The following SERGEF variants were observed in gnomAD, a reference collection of about 807,000 sequenced individuals.
The protein encoded by SERGEF is secretion-regulating guanine nucleotide exchange factor.
In SERGEF, 51 loss-of-function variants were observed where a neutral mutation model predicts 50.0. The ratio of observed to expected loss-of-function variants is 1.02; its 90% confidence interval spans 0.81 to 1.29. The LOEUF (loss-of-function observed/expected upper bound fraction) is 1.29. SERGEF is among the 50% of genes most tolerant of loss of function. SERGEF has a pLI of 0.00. For synonymous variants in SERGEF, 205 were observed against 212.4 expected, an observed-to-expected ratio of 0.97 and a Z score of 0.30; for missense variants, 521 against 557.0, an observed-to-expected ratio of 0.94 and a Z score of 0.65.
intron 1 of SERGEF, 131 bp downstream of exon 1, chr11:18,012,820 A>C: frequency 5.3e-4 from 498 of 934,294 alleles, no homozygotes; most frequent in East Asian, 3.2e-3. Context: ...CTCCCAGCCC[A>C]GGATCCTTCA....
intron 10 of SERGEF, among the ~76,000 whole-genome samples, chr11:17,808,155 C>T (rs1849796437): frequency 6.6e-6 from 1 of 152,208 alleles, no homozygotes; most frequent in South Asian, 2.1e-4. Flanking sequence ...CTTATCTGTC[C>T]TCCAAGTTGC....
chr11:17,848,841 T>C (rs1189456208), intron 10 of SERGEF, among the ~76,000 whole-genome samples: 2 of 152,286 alleles, frequency 1.3e-5, no homozygotes, highest in African/African-American at 4.8e-5. Flanking sequence ...TGATAATAGC[T>C]CCAAAGGATT....
intron 9 of SERGEF, among the ~76,000 whole-genome samples, chr11:17,919,957 A>G (rs1852122194): frequency 6.6e-6 from 1 of 151,526 alleles, no homozygotes; most frequent in African/African-American, 2.4e-5. Context: ...AAAAAAAAAA[A>G]AAAACCGCAG....
chr11:17,908,524 C>A (rs556591618), intron 9 of SERGEF, among the ~76,000 whole-genome samples: 19 of 152,192 alleles, frequency 1.2e-4, no homozygotes, highest in Non-Finnish European at 2.4e-4. Context: ...TTATGCTCCA[C>A]AAACATCTTA....
chr11:18,012,787 G>GACCC, intron 1 of SERGEF, 164 bp downstream of exon 1: 1 of 700,288 alleles, frequency 1.4e-6, no homozygotes, highest in Non-Finnish European at 2.1e-6. Flanking sequence ...CCGCCCGCCC[G>GACCC]CTCCTCCTCC....
At chr11:18,001,992 T>A in intron 4 of SERGEF, 1 of 456,258 alleles carries the variant, frequency 2.2e-6, no homozygotes, top group South Asian at 1.5e-5. Context: ...AAACACAACA[T>A]CCCAGATGCA....
intron 10 of SERGEF, among the ~76,000 whole-genome samples, chr11:17,799,604 A>G (rs1055294321): frequency 1.1e-4 from 16 of 152,294 alleles, no homozygotes; most frequent in Middle Eastern, 3.4e-3. Flanking sequence ...TTTGGGAATC[A>G]CCAGTGTGCA....
At chr11:17,927,130 C>G (rs773041190) in intron 9 of SERGEF, among the ~76,000 whole-genome samples, 27 of 152,202 alleles carry the variant, frequency 1.8e-4, no homozygotes, top group Admixed American at 7.9e-4. Context: ...ATTCTGAAGT[C>G]TGAAGGCTGC....
At chr11:17,824,535 CA>C (rs1850152791) in intron 10 of SERGEF, among the ~76,000 whole-genome samples, 1 of 152,102 alleles carries the variant, frequency 6.6e-6, no homozygotes, top group Non-Finnish European at 1.5e-5. Flanking sequence ...CTTGGGCTGC[CA>C]TAACAAAAAA....
chr11:18,012,834 C>A, intron 1 of SERGEF, 117 bp downstream of exon 1: 1 of 1,518,698 alleles, frequency 6.6e-7, no homozygotes, highest in South Asian at 1.2e-5. Context: ...TCCTTCAACC[C>A]AGAGCCCGGC....
chr11:17,813,965 C>G (rs1443139847), intron 10 of SERGEF, among the ~76,000 whole-genome samples: 1 of 152,212 alleles, frequency 6.6e-6, no homozygotes, highest in South Asian at 2.1e-4. Flanking sequence ...AAGGGACACA[C>G]AGACCCCACT....
chr11:17,806,161 C>A (rs560449659), intron 10 of SERGEF, among the ~76,000 whole-genome samples: 9 of 152,310 alleles, frequency 5.9e-5, no homozygotes, highest in African/African-American at 2.2e-4. Context: ...GTATAGAGCC[C>A]AGCAACATGG....
At chr11:17,984,978 A>C (rs921325079) in intron 8 of SERGEF, among the ~76,000 whole-genome samples, 2 of 152,352 alleles carry the variant, frequency 1.3e-5, no homozygotes, top group Admixed American at 1.3e-4. Context: ...GAGTATCCTG[A>C]ATTTTAATAG....
At chr11:17,973,816 T>C (rs1434384619) in intron 8 of SERGEF, among the ~76,000 whole-genome samples, 2 of 152,038 alleles carry the variant, frequency 1.3e-5, no homozygotes, top group Non-Finnish European at 2.9e-5. Context: ...AAGATGCCAA[T>C]GGAGATAATG....
intron 10 of SERGEF, among the ~76,000 whole-genome samples, chr11:17,803,938 T>C (rs1051605430): frequency 1.3e-5 from 2 of 152,214 alleles, no homozygotes; most frequent in African/African-American, 4.8e-5. Context: ...ATGGAAACCA[T>C]TTTGTTCTTC....
chr11:17,880,629 T>C (rs1851319146), intron 9 of SERGEF, among the ~76,000 whole-genome samples: 6 of 152,120 alleles, frequency 3.9e-5, no homozygotes. Context: ...ACTCCGAATT[T>C]TATACAAAAT....
intron 10 of SERGEF, among the ~76,000 whole-genome samples, chr11:17,834,223 A>C (rs1850363336): frequency 6.6e-6 from 1 of 152,146 alleles, no homozygotes; most frequent in Non-Finnish European, 1.5e-5. Context: ...TTTTAAAAAG[A>C]GGTGTTCCCC....
intron 8 of SERGEF, among the ~76,000 whole-genome samples, chr11:17,976,798 C>T (rs1853384689): frequency 1.3e-5 from 2 of 152,254 alleles, no homozygotes; most frequent in Non-Finnish European, 2.9e-5. Flanking sequence ...ACTGAGCTCT[C>T]TGCCAGGGAC....
chr11:17,813,877 C>A (rs1849917035), intron 10 of SERGEF, among the ~76,000 whole-genome samples: 2 of 152,198 alleles, frequency 1.3e-5, no homozygotes, highest in South Asian at 2.1e-4. Context: ...CTAAAGCTAT[C>A]CCAGGGCTTG....
Sources: gnomAD v4.1 joint callset for allele counts (sites outside exome capture counted in the v4.1 genomes callset) on GRCh38, gnomAD v4.1.1 for gene constraint, MANE v1.5 for transcripts, NCBI Gene and HGNC (gene_info 2026-07-23, HGNC 2026-07-21) for gene names.